Variants in PARD3B observed in about 807,000 individuals in gnomAD.
PARD3B encodes the protein partitioning defective 3 homolog B.
Under a neutral mutation model 130.2 loss-of-function variants are expected in PARD3B, and 103 were observed. The observed-to-expected ratio is 0.79, with a 90% CI of 0.67 to 0.93. The LOEUF (loss-of-function observed/expected upper bound fraction) is 0.93, where lower values mean the gene tolerates loss of function less well. Among genes scored for constraint, PARD3B ranks in the 40% least tolerant of loss-of-function variants. PARD3B has a pLI of 0.00. For synonymous variants in PARD3B, 583 were observed against 553.2 expected, an observed-to-expected ratio of 1.05 and a Z score of -0.76; for missense variants, 1,609 against 1,499.2, an observed-to-expected ratio of 1.07 and a Z score of -1.21.
Position 205,569,158 on chromosome 2 carries a change from A to T in PARD3B, c.3260+15755A>T, listed in dbSNP as rs1279388627. 4.8e-5 allele frequency among the ~76,000 whole-genome samples: 7 copies of T among 147,122 alleles called. No homozygotes were observed. In the East Asian group the frequency reaches 1.4e-3, roughly 30 times the overall value. On this transcript the variant is annotated intron_variant, in intron 22 of 22. Transcript: ENST00000406610. ...CTCTCAGCGAGGTTTAATTTTTCTC[A>T]TGTTTATTAGAATCCTTTTTTTTTT...
intron 4 of PARD3B, among the ~76,000 whole-genome samples, chr2:205,077,698 G>C (rs1390315800): frequency 1.3e-5 from 2 of 150,724 alleles, no homozygotes; most frequent in Non-Finnish European, 2.9e-5. Flanking sequence ...AGAGATGCCT[G>C]AGAGATAACA....
intron 3 of PARD3B, among the ~76,000 whole-genome samples, chr2:204,970,218 T>G (rs1416115798): frequency 6.6e-6 from 1 of 152,142 alleles, no homozygotes; most frequent in Non-Finnish European, 1.5e-5. Flanking sequence ...TAGATCAAGG[T>G]TGGCCCAACC....
Position 205,193,013 on chromosome 2 carries a change from G to A in PARD3B, c.2025-192G>A, listed in dbSNP as rs1559010. On this transcript the variant is annotated intron_variant, in intron 14 of 22. Coordinates refer to ENST00000406610, the MANE Select transcript of PARD3B (RefSeq NM_001302769.2). ...GAGAATATTTTATTTAAATTGTACA[G>A]TGTGATAAAATACATGAAAACAGAG... 7.6e-3 allele frequency among the ~76,000 whole-genome samples: 1,151 copies of A among 152,250 alleles called. 15 individuals are homozygous for A. Among genetic ancestry groups the A allele is most frequent in the African/African-American group, 0.026 (1,080 of 41,522 alleles).
chr2:205,130,586 C>T (rs938990588), intron 10 of PARD3B, among the ~76,000 whole-genome samples: 1 of 151,928 alleles, frequency 6.6e-6, no homozygotes, highest in Non-Finnish European at 1.5e-5. Flanking sequence ...AAGATTCTGC[C>T]CTTTCTTTGT....
chr2:204,562,413 A>G (rs1453108686), intron 1 of PARD3B, among the ~76,000 whole-genome samples: 1 of 152,218 alleles, frequency 6.6e-6, no homozygotes, highest in African/African-American at 2.4e-5. Context: ...TGTAGGTGTT[A>G]ATAGGTGAAT....
Position 204,996,961 on chromosome 2 carries a change from C to G in PARD3B, c.394+31638C>G, listed in dbSNP as rs561014739. ...GGCTCGCACATGGTGCGCGCACACA[C>G]TGGCCTGCGCCCACTGTCTGGCACT... On this transcript the variant is annotated intron_variant, in intron 3 of 22. Coordinates refer to ENST00000406610, the MANE Select transcript of PARD3B (RefSeq NM_001302769.2). Among the ~76,000 whole-genome samples the G allele has an allele frequency of 2.4e-4, 37 of 152,226 alleles. No individual in the cohort carries two copies. In the East Asian group the frequency reaches 2.5e-3, roughly 10 times the overall value.
intron 1 of PARD3B, among the ~76,000 whole-genome samples, chr2:204,666,240 A>C (rs1417059791): frequency 6.6e-6 from 1 of 152,206 alleles, no homozygotes; most frequent in African/African-American, 2.4e-5. Context: ...CAAAATGTGA[A>C]CAAGGTAATG....
At chr2:205,089,063 C>T (rs1205233211) in intron 4 of PARD3B, among the ~76,000 whole-genome samples, 42 of 151,650 alleles carry the variant, frequency 2.8e-4, no homozygotes, top group East Asian at 2.0e-4. Context: ...GGCCTCCCAA[C>T]GTGCTGGGAT....
chr2:205,200,174 C>G (rs1489768180), intron 15 of PARD3B, among the ~76,000 whole-genome samples: 3 of 152,290 alleles, frequency 2.0e-5, no homozygotes, highest in Admixed American at 6.5e-5. Context: ...GAGGTAGACA[C>G]AGCATTAAAA....
chr2:205,595,316 G>A (rs2054528643), intron 22 of PARD3B, among the ~76,000 whole-genome samples: 1 of 152,208 alleles, frequency 6.6e-6, no homozygotes, highest in African/African-American at 2.4e-5. Context: ...ATAAAGCAAA[G>A]GCAGAGCCTG....
intron 1 of PARD3B, among the ~76,000 whole-genome samples, chr2:204,579,123 A>G (rs1430979164): frequency 2.7e-5 from 4 of 149,420 alleles, no homozygotes; most frequent in Non-Finnish European, 5.9e-5. Context: ...GGAAATCATC[A>G]TCATCATCAT....
At chr2:204,634,238 G>A (rs766847494) in intron 1 of PARD3B, among the ~76,000 whole-genome samples, 3 of 152,110 alleles carry the variant, frequency 2.0e-5, no homozygotes, top group Non-Finnish European at 4.4e-5. Context: ...GTGAGAACAT[G>A]CGATGTTGGT....
intron 2 of PARD3B, among the ~76,000 whole-genome samples, chr2:204,746,971 CTTT>C (rs1440380350): frequency 6.6e-6 from 1 of 152,106 alleles, no homozygotes; most frequent in East Asian, 1.9e-4. Context: ...TGCAGAAGCT[CTTT>C]AGTTTAATTA....
intron 16 of PARD3B, among the ~76,000 whole-genome samples, chr2:205,251,256 T>C (rs866541763): frequency 2.6e-5 from 4 of 152,270 alleles, no homozygotes; most frequent in Middle Eastern, 6.8e-3. Context: ...CTTACATGTA[T>C]GTGTGCATGT....
intron 16 of PARD3B, among the ~76,000 whole-genome samples, chr2:205,270,898 A>G (rs988655582): frequency 2.0e-5 from 3 of 152,158 alleles, no homozygotes; most frequent in Admixed American, 6.5e-5. Flanking sequence ...ATTGTCCAGA[A>G]TTGGCTCATT....
At chr2:204,847,099 A>G (rs766979949) in intron 2 of PARD3B, among the ~76,000 whole-genome samples, 4 of 152,066 alleles carry the variant, frequency 2.6e-5, no homozygotes, top group Non-Finnish European at 5.9e-5. Context: ...ATATCCTGAA[A>G]CTATATATTG....
Position 205,268,905 on chromosome 2 carries a change from C to T in PARD3B, c.2185+23083C>T, listed in dbSNP as rs1330340512. On this transcript the variant is annotated intron_variant, in intron 16 of 22. Transcript: ENST00000406610. This position sits in a 1 kb window ranked among gnomAD's most constrained non-coding sequence, Gnocchi z 4.1. ...TCTTACCAGTGATGTTATTTGCGGA[C>T]TAAAGTTTCTCAAAAGGAAGAAAAG... 6.6e-6 allele frequency among the ~76,000 whole-genome samples: 1 copy of T among 152,000 alleles called. No individual in the cohort carries two copies. Among genetic ancestry groups the T allele is most frequent in the Non-Finnish European group, 1.5e-5 (1 of 67,988 alleles).
At position 205,588,376 on chromosome 2, in the gene PARD3B, T is replaced by C. The variant is rs1233170598; in HGVS notation, c.3261-27080T>C. On this transcript the variant is annotated intron_variant, in intron 22 of 22. Transcript: ENST00000406610. The stretch of plus-strand genomic sequence containing the variant: ...CTTTGTATCTATCCCAGAGAATTCT[T>C]TCCACAGCACACTTTTCTTATTTTT... Among the ~76,000 whole-genome samples, 3 of 152,338 alleles carry C rather than the reference T, an allele frequency of 2.0e-5. No homozygotes were observed. In the East Asian group the frequency reaches 5.8e-4, roughly 29 times the overall value.
chr2:204,881,963 G>A (rs1236980772), intron 2 of PARD3B, among the ~76,000 whole-genome samples: 1 of 152,154 alleles, frequency 6.6e-6, no homozygotes, highest in African/African-American at 2.4e-5. Flanking sequence ...TAGAGGGTCT[G>A]GAGATAGCTG....
Sources: gnomAD v4.1 joint callset for allele counts (sites outside exome capture counted in the v4.1 genomes callset) on GRCh38, gnomAD v4.1.1 for gene constraint, Gnocchi (gnomAD v3.1) non-coding constraint, MANE v1.5 for transcripts, NCBI Gene and HGNC (gene_info 2026-07-23, HGNC 2026-07-21) for gene names.